CDH13: variants seen among roughly 807,000 people sequenced by gnomAD.
The protein encoded by CDH13 is cadherin-13.
A neutral mutation model predicts 63.8 loss-of-function variants in CDH13; 24 were observed. The ratio of observed to expected loss-of-function variants is 0.38; its 90% CI spans 0.27 to 0.53. The LOEUF is 0.53. CDH13 is among the 20% of genes least tolerant of loss of function. The pLI is 0.85. For synonymous variants in CDH13, 503 were observed against 355.3 expected (o/e 1.42, Z -4.67); for missense variants, 1,049 against 903.1 (o/e 1.16, Z -2.07).
intron 4 of CDH13, among the ~76,000 whole-genome samples, chr16:83,187,601 C>G (rs538320486): frequency 7.2e-5 from 11 of 152,010 alleles, no homozygotes; most frequent in Admixed American, 6.6e-4. Context: ...GTTTGCAACC[C>G]GCAGCTCTGG....
intron 1 of CDH13, among the ~76,000 whole-genome samples, chr16:82,683,914 C>G (rs1181080715): frequency 6.6e-6 from 1 of 152,166 alleles, no homozygotes; most frequent in African/African-American, 2.4e-5. Context: ...GCTTTTTATT[C>G]TTTTACAGAA....
chr16:83,735,430 T>C (rs1849445397), intron 10 of CDH13: 1 of 152,202 alleles, frequency 6.6e-6, no homozygotes, highest in South Asian at 2.1e-4. Flanking sequence ...TTTCTTCTTG[T>C]ATTGCTTTAC....
intron 7 of CDH13, among the ~76,000 whole-genome samples, chr16:83,538,607 C>T (rs1449626203): frequency 1.3e-5 from 2 of 152,066 alleles, no homozygotes; most frequent in Non-Finnish European, 2.9e-5. Flanking sequence ...TATGATAGAG[C>T]CATAGAGGAA....
Position 83,131,182 on chromosome 16 carries a change from A to ACCCCC in CDH13, c.483+5696_483+5700dup, listed in dbSNP as rs1173636265. Among the ~76,000 whole-genome samples, 496 of 86,348 alleles carry ACCCCC rather than the reference A, an allele frequency of 5.7e-3. 52 individuals are homozygous for ACCCCC. Among genetic ancestry groups the ACCCCC allele is most frequent in the African/African-American group, 0.017 (244 of 14,148 alleles). The allele number at this position is 86,348 out of a possible 152,430, so 56.6% of individuals were successfully genotyped here. Reference sequence around the variant, plus strand: ...GGTGGGGAGTATAAGGGGGTGTATGACCCCCCCCCCCCCCCCCCCGCCCAC... The same window carrying ACCCCC: ...GGTGGGGAGTATAAGGGGGTGTATGACCCCCCCCCCCCCCCCCCCCCCCCGCCCAC... On this transcript the variant is annotated intron_variant, in intron 4 of 13. Coordinates refer to ENST00000567109, the MANE Select transcript of CDH13 (RefSeq NM_001257.5).
intron 4 of CDH13, among the ~76,000 whole-genome samples, chr16:83,132,007 A>T (rs987166981): frequency 1.3e-5 from 2 of 152,222 alleles, no homozygotes; most frequent in South Asian, 2.1e-4. Flanking sequence ...TGTTCTGTGC[A>T]TCTGATTCTT....
intron 7 of CDH13, among the ~76,000 whole-genome samples, chr16:83,566,411 G>T (rs1339230663): frequency 6.6e-6 from 1 of 152,108 alleles, no homozygotes; most frequent in Admixed American, 6.5e-5. Context: ...CCTGTCATAG[G>T]AAGACAAGTT....
intron 2 of CDH13, chr16:82,859,493 G>A (rs1259700469): frequency 6.6e-6 from 1 of 152,148 alleles, no homozygotes; most frequent in Non-Finnish European, 1.5e-5. Context: ...AGGAGGTGGA[G>A]GCTGCAGTGA....
intron 7 of CDH13, among the ~76,000 whole-genome samples, chr16:83,526,214 G>T (rs988845636): frequency 2.0e-5 from 3 of 152,170 alleles, no homozygotes; most frequent in Non-Finnish European, 4.4e-5. Flanking sequence ...TTTGTTTTGT[G>T]GGGGCGGTGG....
chr16:83,013,503 C>T (rs1914368218), intron 2 of CDH13, among the ~76,000 whole-genome samples: 2 of 152,208 alleles, frequency 1.3e-5, no homozygotes, highest in African/African-American at 4.8e-5. Context: ...CATTTCCCTT[C>T]CACATGATCT....
At chr16:82,730,027 C>T (rs2033315083) in intron 1 of CDH13, among the ~76,000 whole-genome samples, 2 of 152,132 alleles carry the variant, frequency 1.3e-5, no homozygotes, top group South Asian at 4.1e-4. Flanking sequence ...AGTGTTAGGG[C>T]TGTGGATTAG....
chr16:83,698,130 A>G (rs1807238688), intron 10 of CDH13, among the ~76,000 whole-genome samples: 2 of 152,218 alleles, frequency 1.3e-5, no homozygotes, highest in Admixed American at 1.3e-4. Context: ...TAGTTAACGA[A>G]TGAATTGCAA....
chr16:83,073,984 G>T (rs1436410113), intron 3 of CDH13, among the ~76,000 whole-genome samples: 1 of 152,120 alleles, frequency 6.6e-6, no homozygotes, highest in African/African-American at 2.4e-5. Context: ...TCATTTCTAT[G>T]TGTTGAGAAC....
At chr16:82,720,247 G>A (rs73603140) in intron 1 of CDH13, among the ~76,000 whole-genome samples, 3,109 of 152,222 alleles carry the variant, frequency 0.02, 119 homozygotes, top group African/African-American at 0.071. Flanking sequence ...TCCTGCCACC[G>A]TGCAGTTTGA....
intron 5 of CDH13, among the ~76,000 whole-genome samples, chr16:83,323,723 A>T (rs978623664): frequency 6.6e-6 from 1 of 152,200 alleles, no homozygotes; most frequent in African/African-American, 2.4e-5. Context: ...CCATACAAAA[A>T]GTGACCACCA....
chr16:83,745,752 T>C (rs1351958841), intron 10 of CDH13, among the ~76,000 whole-genome samples: 1 of 152,202 alleles, frequency 6.6e-6, no homozygotes, highest in South Asian at 2.1e-4. Context: ...GCAGTTCTTC[T>C]TCTCCTTGGC....
chr16:82,959,263 G>A (rs964215475), intron 2 of CDH13, among the ~76,000 whole-genome samples: 4 of 152,324 alleles, frequency 2.6e-5, no homozygotes, highest in African/African-American at 7.2e-5. Flanking sequence ...ACAGGAAAGC[G>A]TTGGTTATGG....
At chr16:82,816,427 G>A (rs77818626) in intron 1 of CDH13, among the ~76,000 whole-genome samples, 6,314 of 152,188 alleles carry the variant, frequency 0.041, 428 homozygotes, top group African/African-American at 0.14. Context: ...TGCTGGTTTT[G>A]TGCATGAAGA....
chr16:83,369,314 T>C (rs1056643805), intron 6 of CDH13, among the ~76,000 whole-genome samples: 3 of 152,112 alleles, frequency 2.0e-5, no homozygotes, highest in African/African-American at 4.8e-5. Flanking sequence ...CACCTGTTTT[T>C]TTTTCCTGAA....
intron 7 of CDH13, among the ~76,000 whole-genome samples, chr16:83,493,924 C>G (rs2074076936): frequency 1.3e-5 from 2 of 152,148 alleles, no homozygotes; most frequent in African/African-American, 4.8e-5. Flanking sequence ...GAGATAAGAG[C>G]TGAGGAGCTA....
Sources: gnomAD v4.1 joint callset for allele counts (sites outside exome capture counted in the v4.1 genomes callset) on GRCh38, gnomAD v4.1.1 for gene constraint, MANE v1.5 for transcripts, NCBI Gene and HGNC (gene_info 2026-07-23, HGNC 2026-07-21) for gene names.